EMC8: variants seen among roughly 807,000 people sequenced by gnomAD.
EMC8 encodes ER membrane protein complex subunit 8, also known as COX4 neighbor.
A neutral mutation model predicts 24.3 loss-of-function variants in EMC8; 11 were observed. The ratio of observed to expected loss-of-function variants is 0.45; its 90% CI spans 0.28 to 0.75. The LOEUF is 0.75. Ranked by LOEUF, EMC8 falls within the 30% of genes least tolerant of loss-of-function variation. EMC8 has a pLI of 0.12. For synonymous variants in EMC8, 145 were observed against 117.7 expected (o/e 1.23, Z -1.50); for missense variants, 277 against 282.7 (o/e 0.98, Z 0.14).
intron 1 of EMC8, among the ~76,000 whole-genome samples, chr16:85,790,813 C>T (rs970024546): frequency 2.2e-4 from 34 of 152,078 alleles, no homozygotes; most frequent in Non-Finnish European, 5.9e-5. Context: ...ACAAGTTACA[C>T]ATACTTAGTG....
chr16:85,789,134 A>G (rs1433165877), intron 1 of EMC8, 84 bp from the exon 2 acceptor site: 2 of 866,442 alleles, frequency 2.3e-6, no homozygotes, highest in African/African-American at 3.3e-5. Context: ...TCACTGCCAC[A>G]TGCTGGGACA....
At chr16:85,797,470 G>T (rs959771535) in intron 1 of EMC8, among the ~76,000 whole-genome samples, 1 of 152,200 alleles carries the variant, frequency 6.6e-6, no homozygotes, top group Non-Finnish European at 1.5e-5. Flanking sequence ...CTCCCCAGTG[G>T]TGTTTCAGTA....
intron 1 of EMC8, among the ~76,000 whole-genome samples, chr16:85,797,165 T>C (rs972409882): frequency 6.6e-6 from 1 of 152,196 alleles, no homozygotes; most frequent in Non-Finnish European, 1.5e-5. Context: ...CCCAGCACTT[T>C]GGGATGCGGA....
rs544739389 is a variant in EMC8 at position 85,780,390 on chromosome 16, T to C, written c.462A>G (p.Arg154=). 131 of 1,614,016 alleles carry C rather than the reference T, an allele frequency of 8.1e-5. No homozygotes were observed. The South Asian group carries it at 1.3e-3, about 17-fold the overall frequency. Residue 154 remains arginine (R), a synonymous_variant, in exon 4 of 5, where the codon AGA becomes AGG. Coordinates refer to ENST00000253457, the MANE Select transcript of EMC8 (RefSeq NM_006067.5). ...TGGGGCGCACTCACTGGTGTGGGTC[T>C]CTGCACCGCCATCTGTTCTCATGGT... is the stretch of plus-strand genomic sequence containing the variant. ...YEHHENRWRC[R]DPHHDYCEDW... is the part of the protein sequence containing the mutation.
chr16:85,795,678 T>C (rs995265970), intron 1 of EMC8, among the ~76,000 whole-genome samples: 2 of 152,198 alleles, frequency 1.3e-5, no homozygotes, highest in Non-Finnish European at 2.9e-5. Context: ...TGTCTCTTCA[T>C]CTGTATCCTT....
In EMC8 at chr16:85,799,378, A is replaced by C. The variant is rs1905475208; in HGVS notation, c.-83T>G. 1.1e-6 allele frequency: 1 copy of C among 874,848 alleles called. No homozygotes were observed. The highest frequency in any genetic ancestry group is 1.8e-5 in the African/African-American group (1 of 54,586). 54.2% of individuals were successfully genotyped at this position (874,848 alleles called of 1,614,324 possible). ...GCCTGGCCGCGCGGCGCCTCAGCCGAGAAGCGGGACGAGGCGGCGGCGATT... is the reference window on the plus strand; with the variant it reads ...GCCTGGCCGCGCGGCGCCTCAGCCGCGAAGCGGGACGAGGCGGCGGCGATT... On this transcript the variant is annotated 5_prime_UTR_variant, in exon 1 of 5. Transcript: ENST00000253457. This position sits in a 1 kb window ranked among gnomAD's most constrained non-coding sequence, Gnocchi z 4.2.
chr16:85,782,236 C>G (rs769082530), intron 2 of EMC8, among the ~76,000 whole-genome samples: 1 of 152,224 alleles, frequency 6.6e-6, no homozygotes, highest in Non-Finnish European at 1.5e-5. Flanking sequence ...CTCAGGGCAG[C>G]TGGCAGTCCG....
chr16:85,791,570 T>C (rs1425365598), intron 1 of EMC8, among the ~76,000 whole-genome samples: 1 of 152,192 alleles, frequency 6.6e-6, no homozygotes, highest in African/African-American at 2.4e-5. Flanking sequence ...CGGTGTTTGG[T>C]TTTCTGTTGC....
intron 1 of EMC8, among the ~76,000 whole-genome samples, 163 bp from the exon 2 acceptor site, chr16:85,789,213 G>T (rs558541079): frequency 1.3e-5 from 2 of 152,276 alleles, no homozygotes; most frequent in South Asian, 4.1e-4. Flanking sequence ...GGAAAAAATG[G>T]TCAGGAAGGG....
In EMC8 at chr16:85,780,016, G is replaced by A. The variant is rs940398864; in HGVS notation, c.474-149C>T. On this transcript the variant is annotated intron_variant, in intron 4 of 4. Transcript: ENST00000253457. ...AACATGTGCATTTCAAACGCATGAA[G>A]AGGTATACAGAGCATAGAAGACATG... The A allele has an allele frequency of 1.7e-5, 11 of 649,828 alleles. No individual in the cohort carries two copies. The African/African-American group carries it at 1.8e-4, about 11-fold the overall frequency. The allele number at this position is 649,828 out of a possible 1,614,324, so 40.3% of individuals were successfully genotyped here. A position where few individuals can be genotyped will look rare whatever the true frequency, so the allele number is the denominator to read the frequency against.
chr16:85,781,542 C>T (rs140877716), intron 2 of EMC8: 265 of 395,190 alleles, frequency 6.7e-4, no homozygotes, highest in African/African-American at 5.0e-3. Context: ...GCAATCCCAC[C>T]TCTGCCTCCT....
chr16:85,793,657 C>T (rs141188430), intron 1 of EMC8, among the ~76,000 whole-genome samples: 3 of 152,292 alleles, frequency 2.0e-5, no homozygotes, highest in Non-Finnish European at 4.4e-5. Flanking sequence ...GAGGCCACAG[C>T]AAGAATTCTA....
intron 4 of EMC8, 73 bp downstream of exon 4, chr16:85,780,306 G>A (rs560048841): frequency 1.5e-4 from 161 of 1,052,194 alleles, no homozygotes; most frequent in Non-Finnish European, 2.2e-4. Flanking sequence ...AAACACAGGC[G>A]GGGTGAGAGT....
chr16:85,796,785 T>C (rs537596648), intron 1 of EMC8, among the ~76,000 whole-genome samples: 1 of 152,342 alleles, frequency 6.6e-6, no homozygotes, highest in East Asian at 1.9e-4. Context: ...TGCCTGCATG[T>C]TCCTTTCTCT....
intron 1 of EMC8, among the ~76,000 whole-genome samples, chr16:85,795,968 T>G: frequency 6.6e-6 from 1 of 152,156 alleles, no homozygotes; most frequent in East Asian, 1.9e-4. Flanking sequence ...CACACAAGTC[T>G]TCTTCTGTGT....
At chr16:85,796,033 G>A (rs954791358) in intron 1 of EMC8, among the ~76,000 whole-genome samples, 3 of 152,080 alleles carry the variant, frequency 2.0e-5, no homozygotes, top group South Asian at 2.1e-4. Context: ...TTTTCCCTAC[G>A]CAGTCCTCAA....
chr16:85,780,394 C>T lies in EMC8; in HGVS notation c.458G>A (p.Cys153Tyr), dbSNP rs564614582. Residue 153 changes from cysteine to tyrosine, a missense_variant, in exon 4 of 5, where the codon TGC becomes TAC. By Grantham distance (194) the Cys-to-Tyr change is radical. Transcript: ENST00000253457. ...GCGCACTCACTGGTGTGGGTCTCTG[C>T]ACCGCCATCTGTTCTCATGGTGCTC... ...VYEHHENRWR[C>Y]RDPHHDYCED... 5 of 1,614,040 alleles carry T rather than the reference C, an allele frequency of 3.1e-6. No homozygotes were observed. The East Asian group carries it at 8.9e-5, about 29-fold the overall frequency.
At chr16:85,781,465 C>T (rs1904494791) in intron 2 of EMC8, 185 bp from the exon 3 acceptor site, 3 of 579,122 alleles carry the variant, frequency 5.2e-6, no homozygotes, top group Non-Finnish European at 9.4e-6. Context: ...GGGTCTTGCT[C>T]TGCTGCCCTA....
chr16:85,788,068 G>A (rs1273258616), intron 2 of EMC8, among the ~76,000 whole-genome samples: 1 of 152,196 alleles, frequency 6.6e-6, no homozygotes, highest in Non-Finnish European at 1.5e-5. Context: ...AGGAAGCCAC[G>A]TCAGGGCAGC....
Sources: gnomAD v4.1 joint callset for allele counts (sites outside exome capture counted in the v4.1 genomes callset) on GRCh38, gnomAD v4.1.1 for gene constraint, Gnocchi (gnomAD v3.1) non-coding constraint, MANE v1.5 for transcripts, NCBI Gene and HGNC (gene_info 2026-07-23, HGNC 2026-07-21) for gene names.